Variants in NAA11 observed in about 807,000 individuals in gnomAD.
NAA11 encodes N-alpha-acetyltransferase 11, NatA catalytic subunit.
A neutral mutation model predicts 16.1 loss-of-function variants in NAA11; 15 were observed. The observed-to-expected ratio is 0.93, with a 90% CI of 0.62 to 1.44. The LOEUF is 1.44. NAA11 is among the 40% of genes most tolerant of loss of function. The pLI, the probability that NAA11 is intolerant of heterozygous loss-of-function variation, is 0.00. For synonymous variants in NAA11, 122 were observed against 112.4 expected (o/e 1.09, Z -0.54); for missense variants, 298 against 291.3 (o/e 1.02, Z -0.17).
At chr4:79,266,113 T>G (rs1722338883) in intron 2 of NAA11, among the ~76,000 whole-genome samples, 2 of 152,132 alleles carry the variant, frequency 1.3e-5, no homozygotes, top group South Asian at 4.1e-4. Context: ...ATATCCCCAC[T>G]TCTCCTTAGC....
chr4:79,218,735 G>A, the NAA11 span, among the ~76,000 whole-genome samples: 1 of 151,872 alleles, frequency 6.6e-6, no homozygotes, highest in Admixed American at 6.6e-5. Context: ...TACAATTGAG[G>A]TGTAATTGAA....
chr4:79,199,721 G>A, the NAA11 span, among the ~76,000 whole-genome samples: 1 of 151,826 alleles, frequency 6.6e-6, no homozygotes, highest in East Asian at 1.9e-4. Context: ...CTGGTCAGTT[G>A]TTATAATTAG....
At chr4:79,273,259 A>T (rs1424444396) in intron 2 of NAA11, among the ~76,000 whole-genome samples, 1 of 152,044 alleles carries the variant, frequency 6.6e-6, no homozygotes, top group Non-Finnish European at 1.5e-5. Context: ...ACAAACCACA[A>T]GGAAATTTTT....
At chr4:79,158,481 CA>C in the NAA11 span, among the ~76,000 whole-genome samples, 3 of 151,848 alleles carry the variant, frequency 2.0e-5, no homozygotes, top group African/African-American at 7.3e-5. Context: ...CAAATTGAAA[CA>C]CATCCCATGC....
chr4:79,157,278 A>C, the NAA11 span, among the ~76,000 whole-genome samples: 2 of 152,024 alleles, frequency 1.3e-5, no homozygotes, highest in Non-Finnish European at 2.9e-5. Context: ...CTAAGTCCCC[A>C]AAGTCCATTG....
the NAA11 span, among the ~76,000 whole-genome samples, chr4:79,208,194 T>A: frequency 6.6e-6 from 1 of 152,182 alleles, no homozygotes; most frequent in Non-Finnish European, 1.5e-5. Context: ...CCTGGTTTTT[T>A]CCTCACTTGG....
At chr4:79,195,571 A>T in the NAA11 span, among the ~76,000 whole-genome samples, 1 of 152,094 alleles carries the variant, frequency 6.6e-6, no homozygotes, top group Non-Finnish European at 1.5e-5. Flanking sequence ...TAAATAAAAT[A>T]AAGCAGCTAA....
intron 2 of NAA11, among the ~76,000 whole-genome samples, chr4:79,270,394 C>A (rs1339092025): frequency 2.7e-5 from 4 of 150,232 alleles, no homozygotes; most frequent in African/African-American, 9.8e-5. Context: ...CAATAGCTTA[C>A]CAACCAAAAA....
At chr4:79,183,194 G>T in the NAA11 span, among the ~76,000 whole-genome samples, 6 of 152,108 alleles carry the variant, frequency 3.9e-5, no homozygotes, top group East Asian at 1.2e-3. Flanking sequence ...TCTGTGGGAG[G>T]TTACTAGGAT....
intron 2 of NAA11, among the ~76,000 whole-genome samples, chr4:79,252,235 G>A (rs1171526786): frequency 6.6e-6 from 1 of 152,118 alleles, no homozygotes; most frequent in African/African-American, 2.4e-5. Flanking sequence ...TACTGGGTAC[G>A]ATGGATACTA....
intron 1 of NAA11, chr4:79,298,963 C>A (rs1723308023): frequency 6.6e-6 from 1 of 152,182 alleles, no homozygotes; most frequent in Non-Finnish European, 1.5e-5. Flanking sequence ...TTACATTTTG[C>A]TTTATGTTAA....
chr4:79,234,974 A>G (rs985049884), intron 2 of NAA11, among the ~76,000 whole-genome samples: 5 of 152,096 alleles, frequency 3.3e-5, no homozygotes, highest in Non-Finnish European at 2.9e-5. Context: ...GTTTGTAACT[A>G]TCTATATGAA....
intron 2 of NAA11, among the ~76,000 whole-genome samples, chr4:79,259,447 G>T (rs1560429662): frequency 6.6e-6 from 1 of 152,150 alleles, no homozygotes; most frequent in Non-Finnish European, 1.5e-5. Context: ...CTGCCAGTGT[G>T]CCTGACTGTG....
the NAA11 span, among the ~76,000 whole-genome samples, chr4:79,212,909 T>C: frequency 2.0e-5 from 3 of 152,132 alleles, no homozygotes; most frequent in African/African-American, 7.2e-5. Flanking sequence ...TGTATTATAA[T>C]TGTATAGTGT....
intron 2 of NAA11, among the ~76,000 whole-genome samples, chr4:79,258,408 C>A (rs1193224194): frequency 6.6e-6 from 1 of 152,268 alleles, no homozygotes; most frequent in Admixed American, 6.5e-5. Context: ...TGCCTTCTCC[C>A]TGCTGTCAGC....
intron 2 of NAA11, among the ~76,000 whole-genome samples, chr4:79,236,058 GTACT>G (rs1721562496): frequency 1.3e-5 from 2 of 151,966 alleles, no homozygotes; most frequent in South Asian, 4.2e-4. Context: ...GCTACCTCCA[GTACT>G]TAGCTTCTTG....
chr4:79,160,815 G>A, the NAA11 span, among the ~76,000 whole-genome samples: 1 of 151,760 alleles, frequency 6.6e-6, no homozygotes, highest in South Asian at 2.1e-4. Context: ...TCACTTTCTT[G>A]ATGATGTTCT....
At chr4:79,235,527 T>A (rs1721553036) in intron 2 of NAA11, among the ~76,000 whole-genome samples, 1 of 152,190 alleles carries the variant, frequency 6.6e-6, no homozygotes, top group African/African-American at 2.4e-5. Flanking sequence ...ATTTTGTTAA[T>A]GCTTTTAAAT....
chr4:79,190,467 TTA>T, the NAA11 span, among the ~76,000 whole-genome samples: 1 of 151,432 alleles, frequency 6.6e-6, no homozygotes, highest in Admixed American at 6.6e-5. Flanking sequence ...TTTTTTTTTT[TTA>T]AAAAAAGCAC....
Sources: allele counts gnomAD v4.1 joint callset (sites outside exome capture counted in the v4.1 genomes callset), GRCh38; gene constraint gnomAD v4.1.1; transcripts MANE v1.5; gene names NCBI Gene and HGNC (gene_info 2026-07-23, HGNC 2026-07-21).